Variants in SLC2A13 observed in about 807,000 individuals in gnomAD.
The protein encoded by SLC2A13 is proton myo-inositol cotransporter.
In SLC2A13, 32 loss-of-function variants were observed where a neutral mutation model predicts 64.4. The ratio of observed to expected loss-of-function variants is 0.50; its 90% CI spans 0.37 to 0.67. The LOEUF is 0.67. Among genes scored for constraint, SLC2A13 ranks in the 30% least tolerant of loss-of-function variants. SLC2A13 has a pLI of 0.00. For missense variants in SLC2A13, 743 were observed against 829.2 expected, an observed-to-expected ratio of 0.90 and a Z score of 1.28; for synonymous variants, 338 against 327.1, an observed-to-expected ratio of 1.03 and a Z score of -0.36.
At chr12:39,997,582 G>A (rs554524343) in intron 3 of SLC2A13, among the ~76,000 whole-genome samples, 1 of 152,304 alleles carries the variant, frequency 6.6e-6, no homozygotes, top group South Asian at 2.1e-4. Flanking sequence ...TGTAATCTCA[G>A]CACTTTGGGA....
At chr12:40,061,368 A>C (rs987872609) in intron 1 of SLC2A13, among the ~76,000 whole-genome samples, 2 of 152,148 alleles carry the variant, frequency 1.3e-5, no homozygotes, top group Non-Finnish European at 2.9e-5. Flanking sequence ...AAAGGATAAA[A>C]AACAAACAGA....
chr12:40,073,475 A>C (rs966168209), intron 1 of SLC2A13, among the ~76,000 whole-genome samples: 2 of 152,170 alleles, frequency 1.3e-5, no homozygotes, highest in Non-Finnish European at 2.9e-5. Flanking sequence ...TTAATTAAAA[A>C]ATGAAAGTTT....
intron 5 of SLC2A13, among the ~76,000 whole-genome samples, chr12:39,867,404 T>C (rs1320687537): frequency 6.6e-6 from 1 of 152,104 alleles, no homozygotes; most frequent in Non-Finnish European, 1.5e-5. Flanking sequence ...TAAATATTGG[T>C]TGAATGGATG....
intron 7 of SLC2A13, among the ~76,000 whole-genome samples, chr12:39,822,821 T>C (rs1942561437): frequency 6.6e-6 from 1 of 152,248 alleles, no homozygotes; most frequent in Non-Finnish European, 1.5e-5. Flanking sequence ...TAGTTAAATA[T>C]ATTATGAATA....
intron 1 of SLC2A13, among the ~76,000 whole-genome samples, chr12:40,100,714 A>G (rs1939114380): frequency 6.6e-6 from 1 of 152,168 alleles, no homozygotes; most frequent in Non-Finnish European, 1.5e-5. Flanking sequence ...CTGTAATCCC[A>G]GCACTTTGGA....
intron 3 of SLC2A13, among the ~76,000 whole-genome samples, chr12:40,020,373 T>C (rs28370781): frequency 0.023 from 3,537 of 152,274 alleles, 145 homozygotes; most frequent in African/African-American, 0.08. Flanking sequence ...TCACGAGCTC[T>C]GACGGTTTAA....
rs113528438 is a variant in SLC2A13, at chr12:40,020,809, C to T, written c.925+7492G>A. 1.1e-4 allele frequency among the ~76,000 whole-genome samples: 17 copies of T among 152,098 alleles called. 2 individuals carry two copies. The highest frequency in any genetic ancestry group is 3.9e-4 in the African/African-American group (16 of 41,480). On this transcript the variant is annotated intron_variant, in intron 3 of 9. Transcript: ENST00000280871. ...TGTCTCCAAATCATGGTTTTATTTACGAAGCAGACTATCACCTATACTGAA... is the reference window on the plus strand; with the variant it reads ...TGTCTCCAAATCATGGTTTTATTTATGAAGCAGACTATCACCTATACTGAA...
chr12:39,880,196 C>T (rs1344515705), intron 4 of SLC2A13, among the ~76,000 whole-genome samples: 1 of 152,112 alleles, frequency 6.6e-6, no homozygotes, highest in African/African-American at 2.4e-5. Flanking sequence ...GAACCATAAG[C>T]CAAGTAAATC....
chr12:39,969,717 T>C (rs1380833669), intron 3 of SLC2A13, among the ~76,000 whole-genome samples: 1 of 151,994 alleles, frequency 6.6e-6, no homozygotes, highest in African/African-American at 2.4e-5. Flanking sequence ...GTCAGATGAA[T>C]AGATTGCAAA....
At chr12:39,811,563 A>G (rs1446889649) in intron 7 of SLC2A13, among the ~76,000 whole-genome samples, 3 of 152,110 alleles carry the variant, frequency 2.0e-5, no homozygotes, top group African/African-American at 7.2e-5. Flanking sequence ...CCTTTTTTAC[A>G]GCATGGGTTA....
chr12:39,794,775 C>T (rs896442206), intron 7 of SLC2A13, among the ~76,000 whole-genome samples: 2 of 152,104 alleles, frequency 1.3e-5, no homozygotes, highest in East Asian at 1.9e-4. Context: ...GCTCAATTTG[C>T]GAATCATTCT....
At chr12:39,921,467 G>A (rs7959014) in intron 4 of SLC2A13, among the ~76,000 whole-genome samples, 29,342 of 151,998 alleles carry the variant, frequency 0.19, 3,074 homozygotes, top group Non-Finnish European at 0.24. Flanking sequence ...AAATGGAAAC[G>A]TCATGGGAGC....
rs181416829 is a variant in SLC2A13, at chr12:40,092,947, G to T, written c.556+12306C>A. Among the ~76,000 whole-genome samples the T allele has an allele frequency of 5.7e-4, 87 of 152,346 alleles. 1 individual carries two copies. The East Asian group carries it at 0.013, about 22-fold the overall frequency. ...CCACAAATCTGTCTGCCAGGAAAGA[G>T]AGGAGACATTAGAGCATTATTAACA... is the stretch of plus-strand genomic sequence containing the variant. On this transcript the variant is annotated intron_variant, in intron 1 of 9. Transcript: ENST00000280871.
At chr12:39,880,449 A>T (rs974027753) in intron 4 of SLC2A13, among the ~76,000 whole-genome samples, 1 of 152,214 alleles carries the variant, frequency 6.6e-6, no homozygotes, top group Admixed American at 6.5e-5. Flanking sequence ...GCCAAAATTA[A>T]AAGTTAGAAA....
chr12:39,829,867 T>C (rs968921889), intron 7 of SLC2A13: 4 of 525,068 alleles, frequency 7.6e-6, no homozygotes, highest in Admixed American at 6.4e-5. Flanking sequence ...CAAACTCCTA[T>C]ACCTTATTAG....
intron 4 of SLC2A13, among the ~76,000 whole-genome samples, chr12:39,945,301 A>C (rs1166788896): frequency 6.6e-6 from 1 of 152,058 alleles, no homozygotes; most frequent in Non-Finnish European, 1.5e-5. Context: ...TCTTTCCTTC[A>C]TCTTAACTTT....
At chr12:39,969,458 C>T (rs1203109375) in intron 3 of SLC2A13, among the ~76,000 whole-genome samples, 3 of 152,160 alleles carry the variant, frequency 2.0e-5, no homozygotes, top group Non-Finnish European at 2.9e-5. Context: ...CTCTCCAGCA[C>T]CTGTTGTTTC....
chr12:39,922,156 C>G (rs1945625781), intron 4 of SLC2A13, among the ~76,000 whole-genome samples: 1 of 152,152 alleles, frequency 6.6e-6, no homozygotes, highest in African/African-American at 2.4e-5. Context: ...TCTGTATCCA[C>G]TGAAAAAATG....
At chr12:40,061,744 A>T (rs538192892) in intron 1 of SLC2A13, among the ~76,000 whole-genome samples, 1 of 152,110 alleles carries the variant, frequency 6.6e-6, no homozygotes, top group East Asian at 1.9e-4. Context: ...AAATTGACAT[A>T]CAGATTTAAT....
Sources: gnomAD v4.1 joint callset for allele counts (sites outside exome capture counted in the v4.1 genomes callset) on GRCh38, gnomAD v4.1.1 for gene constraint, MANE v1.5 for transcripts, NCBI Gene and HGNC (gene_info 2026-07-23, HGNC 2026-07-21) for gene names.